The following GRIP1 variants were observed in gnomAD, a reference collection of about 807,000 sequenced individuals.
GRIP1 encodes glutamate receptor-interacting protein 1.
Under a neutral mutation model 129.9 loss-of-function variants are expected in GRIP1, and 45 were observed. The observed-to-expected ratio is 0.35, with a 90% confidence interval of 0.27 to 0.44. GRIP1 has a LOEUF of 0.44. Ranked by LOEUF, GRIP1 falls within the 20% of genes least tolerant of loss-of-function variation. GRIP1 has a pLI of 1.00. For missense variants in GRIP1, 1,196 were observed against 1,396.8 expected (o/e 0.86, Z 2.29); for synonymous variants, 530 against 520.8 (o/e 1.02, Z -0.24).
At chr12:66,867,151 G>C (rs2137139054) in intron 1 of GRIP1, among the ~76,000 whole-genome samples, 1 of 152,102 alleles carries the variant, frequency 6.6e-6, no homozygotes, top group Non-Finnish European at 1.5e-5. Flanking sequence ...ACCACACCTG[G>C]CTAATTTTTG....
chr12:66,953,680 A>G (rs1416674924), intron 1 of GRIP1, among the ~76,000 whole-genome samples: 4 of 152,168 alleles, frequency 2.6e-5, no homozygotes, highest in Non-Finnish European at 5.9e-5. Context: ...GTGGTTTCTT[A>G]TAAGGACTCC....
intron 1 of GRIP1, among the ~76,000 whole-genome samples, chr12:66,953,283 A>C (rs1468200673): frequency 6.6e-6 from 1 of 152,214 alleles, no homozygotes; most frequent in Non-Finnish European, 1.5e-5. Flanking sequence ...GAAAAGGATA[A>C]GGCAGGCAGA....
At chr12:66,566,687 C>T (rs1211854210) in intron 2 of GRIP1, among the ~76,000 whole-genome samples, 1 of 152,104 alleles carries the variant, frequency 6.6e-6, no homozygotes, top group Non-Finnish European at 1.5e-5. Context: ...GAAATAGTTT[C>T]AGAAGGAATG....
intron 1 of GRIP1, among the ~76,000 whole-genome samples, chr12:66,727,242 G>T (rs556574435): frequency 6.6e-6 from 1 of 152,214 alleles, no homozygotes; most frequent in Non-Finnish European, 1.5e-5. Flanking sequence ...TAGGATAACA[G>T]CTCTGTACCC....
At chr12:66,401,145 A>G (rs979315960) in intron 16 of GRIP1, among the ~76,000 whole-genome samples, 1 of 152,170 alleles carries the variant, frequency 6.6e-6, no homozygotes, top group Non-Finnish European at 1.5e-5. Context: ...TACAACCCCA[A>G]GTGTTCCAAA....
intron 1 of GRIP1, among the ~76,000 whole-genome samples, chr12:66,757,269 AC>A (rs1230221940): frequency 6.6e-6 from 1 of 151,846 alleles, no homozygotes; most frequent in Admixed American, 6.6e-5. Context: ...GCCTCTGGTA[AC>A]CACCTCACGT....
intron 1 of GRIP1, among the ~76,000 whole-genome samples, chr12:66,665,103 A>G (rs1311356036): frequency 6.6e-6 from 1 of 151,010 alleles, no homozygotes; most frequent in Non-Finnish European, 1.5e-5. Context: ...TGTAGTCTCG[A>G]TCTCCCTGGG....
At chr12:66,679,167 G>T, upstream of GRIP1, 1 of 1,378,204 alleles carries the variant, frequency 7.3e-7, no homozygotes, top group South Asian at 1.5e-5. Flanking sequence ...AAGTAATGCC[G>T]TTTCGATAGC....
chr12:66,386,099 T>C (rs2056346189), intron 19 of GRIP1, among the ~76,000 whole-genome samples: 1 of 152,206 alleles, frequency 6.6e-6, no homozygotes, highest in Admixed American at 6.5e-5. Flanking sequence ...AAATAGGTCT[T>C]TATTTGCACA....
intron 1 of GRIP1, among the ~76,000 whole-genome samples, chr12:66,764,259 C>T (rs1162417127): frequency 6.6e-6 from 1 of 152,074 alleles, no homozygotes; most frequent in Non-Finnish European, 1.5e-5. Context: ...AGTTTGAATA[C>T]CAAAGATAGA....
chr12:66,733,449 G>A (rs933356071), intron 1 of GRIP1, among the ~76,000 whole-genome samples: 24 of 152,114 alleles, frequency 1.6e-4, no homozygotes, highest in African/African-American at 5.6e-4. Context: ...GAGGGCTGAT[G>A]TAGCTGGGAT....
intron 1 of GRIP1, among the ~76,000 whole-genome samples, chr12:66,763,259 T>G (rs191508578): frequency 6.6e-6 from 1 of 152,302 alleles, no homozygotes; most frequent in East Asian, 1.9e-4. Context: ...GGCCACTGGC[T>G]GCAACTACAG....
At chr12:66,693,257 T>C (rs1446065975) in intron 1 of GRIP1, among the ~76,000 whole-genome samples, 1 of 152,216 alleles carries the variant, frequency 6.6e-6, no homozygotes, top group Non-Finnish European at 1.5e-5. Flanking sequence ...GCCTGAGCTA[T>C]GTTTAGAAAT....
At chr12:66,781,482 T>A (rs1418324832) in intron 1 of GRIP1, among the ~76,000 whole-genome samples, 1 of 152,180 alleles carries the variant, frequency 6.6e-6, no homozygotes, top group East Asian at 1.9e-4. Flanking sequence ...TTTATTGAGA[T>A]ACAGTTCATA....
chr12:66,926,980 T>C (rs112377939), intron 1 of GRIP1, among the ~76,000 whole-genome samples: 1 of 152,218 alleles, frequency 6.6e-6, no homozygotes, highest in Non-Finnish European at 1.5e-5. Context: ...AATGATTTAT[T>C]AAATGTGCAC....
intron 1 of GRIP1, among the ~76,000 whole-genome samples, chr12:67,061,115 G>A: frequency 6.6e-6 from 1 of 152,166 alleles, no homozygotes; most frequent in East Asian, 1.9e-4. Flanking sequence ...TGTTACAAAT[G>A]GGAGTCCAAA....
chr12:66,685,308 C>G (rs1169839229), intron 1 of GRIP1, among the ~76,000 whole-genome samples: 1 of 151,946 alleles, frequency 6.6e-6, no homozygotes, highest in African/African-American at 2.4e-5. Context: ...TTTTGTAGGG[C>G]TAGTCAAATT....
chr12:67,017,727 A>C (rs2042809042), intron 1 of GRIP1, among the ~76,000 whole-genome samples: 2 of 152,170 alleles, frequency 1.3e-5, no homozygotes, highest in Non-Finnish European at 2.9e-5. Context: ...TGCTCTTGGA[A>C]GAAGCAACCA....
chr12:66,524,920 G>C (rs2061167657), intron 5 of GRIP1, among the ~76,000 whole-genome samples: 1 of 152,248 alleles, frequency 6.6e-6, no homozygotes, highest in Admixed American at 6.5e-5. Context: ...AAATAAACTA[G>C]AAAATCTAGA....
Sources: gnomAD v4.1 joint callset for allele counts (sites outside exome capture counted in the v4.1 genomes callset) on GRCh38, gnomAD v4.1.1 for gene constraint, MANE v1.5 for transcripts, NCBI Gene and HGNC (gene_info 2026-07-23, HGNC 2026-07-21) for gene names.